CDC42BPG: variants seen among roughly 807,000 people sequenced by gnomAD.
CDC42BPG encodes serine/threonine-protein kinase MRCK gamma.
In CDC42BPG, 157 loss-of-function variants were observed where a neutral mutation model predicts 192.2. That is an observed-to-expected ratio of 0.82 (90% CI 0.72 to 0.93). CDC42BPG has a LOEUF of 0.93. CDC42BPG is among the 40% of genes least tolerant of loss of function. The probability of loss-of-function intolerance (pLI) is 0.00; values close to 1 mark genes in which losing one functional copy is unlikely to be tolerated. For synonymous variants in CDC42BPG, 981 were observed against 918.5 expected (o/e 1.07, Z -1.23); for missense variants, 1,992 against 2,122.1 (o/e 0.94, Z 1.20).
chr11:64,833,897 C>T (rs763893112), intron 21 of CDC42BPG, 28 bp downstream of exon 21: 9 of 1,614,124 alleles, frequency 5.6e-6, no homozygotes, highest in Non-Finnish European at 7.6e-6. Context: ...GAACTTCTCC[C>T]CAACAAGCCC....
intron 17 of CDC42BPG, 30 bp downstream of exon 17, chr11:64,835,017 T>TTCCCCCCCC: frequency 6.4e-7 from 1 of 1,571,954 alleles, no homozygotes; most frequent in Non-Finnish European, 8.7e-7. Context: ...TCGCCTGCGT[T>TTCCCCCCCC]CCCCACCCCG....
intron 30 of CDC42BPG, 29 bp downstream of exon 30, chr11:64,829,442 C>A: frequency 1.3e-6 from 2 of 1,599,850 alleles, no homozygotes; most frequent in Admixed American, 1.7e-5. Context: ...GGTGCCTGGC[C>A]CCCCTGCCAA....
rs375351576 is a variant in CDC42BPG at position 64,836,258 on chromosome 11, C to T, written c.1527G>A (p.Glu509=). The change falls in exon 13 of 37, where the codon GAG becomes GAA. Residue 509 remains glutamate (E), a synonymous_variant. Transcript: ENST00000342711. ...AEGRAGLQAQ[E]QELCRAQGQQ... ...GCCCCTGGGCCCTGCAGAGCTCCTG[C>T]TCCTGAGCCTGCAGCCCTGCCCGAC... The T allele has an allele frequency of 1.0e-5, 16 of 1,602,600 alleles. No individual in the cohort carries two copies. The highest frequency in any genetic ancestry group is 4.0e-5 in the African/African-American group (3 of 74,838).
At chr11:64,832,786 C>G in intron 25 of CDC42BPG, 40 bp downstream of exon 25, 1 of 1,591,292 alleles carries the variant, frequency 6.3e-7, no homozygotes, top group Non-Finnish European at 8.6e-7. Flanking sequence ...GGACCCTCAG[C>G]CCCCCATGCC....
chr11:64,838,613 G>A (rs752325998), intron 8 of CDC42BPG, 41 bp downstream of exon 8: 6 of 1,605,422 alleles, frequency 3.7e-6, no homozygotes, highest in Non-Finnish European at 4.3e-6. Context: ...CCAACAAGGG[G>A]GTAGGGCAGC....
At chr11:64,836,045 G>A (rs1942968843) in intron 13 of CDC42BPG, 72 bp downstream of exon 13, 6 of 1,476,070 alleles carry the variant, frequency 4.1e-6, no homozygotes, top group African/African-American at 1.4e-5. Flanking sequence ...CTCCCACCAA[G>A]CTCCCCATGC....
chr11:64,827,055 A>T lies in CDC42BPG; in HGVS notation c.4384T>A (p.Ser1462Thr). The T allele has an allele frequency of 1.2e-6, 2 of 1,603,294 alleles. No homozygotes were observed. The highest frequency in any genetic ancestry group is 1.3e-5 in the African/African-American group (1 of 74,764). ...ANGRPGARDK[S>T]PAPEEKGRVA... ...ATTGGCTCCAGAGGACTAACCGGGGACTTGTCCCTGGCGCCGGGCCGCCCG... is the reference window on the plus strand; with the variant it reads ...ATTGGCTCCAGAGGACTAACCGGGGTCTTGTCCCTGGCGCCGGGCCGCCCG... Residue 1462 changes from serine to threonine, a missense_variant, in exon 34 of 37, where the codon TCC becomes ACC. Transcript: ENST00000342711.
rs1340181771 is a variant in CDC42BPG at position 64,833,770 on chromosome 11, T to G, written c.2533A>C (p.Arg845=). Residue 845 remains arginine (R), a synonymous_variant, in exon 22 of 37, where the codon AGG becomes CGG. Coordinates refer to ENST00000342711, the MANE Select transcript of CDC42BPG (RefSeq NM_017525.3). Reference sequence around the variant, plus strand: ...CGCAGGCTGCGTCGGCCCTCCGGCCTCAGATCTGGCTCTCCTCCATGCCTT... The same window carrying G: ...CGCAGGCTGCGTCGGCCCTCCGGCCGCAGATCTGGCTCTCCTCCATGCCTT... ...ATRHGGEPDL[R]PEGRRSLRMG... The G allele has an allele frequency of 1.2e-6, 2 of 1,614,210 alleles. No individual in the cohort carries two copies. The highest frequency in any genetic ancestry group is 4.5e-5 in the East Asian group (2 of 44,880).
chr11:64,838,286 C>T (rs1236011998), intron 8 of CDC42BPG, 124 bp from the exon 9 acceptor site: 2 of 693,424 alleles, frequency 2.9e-6, no homozygotes, highest in Non-Finnish European at 4.8e-6. Flanking sequence ...GGGGGTAACA[C>T]AGCCCAACCC....
chr11:64,834,540 T>A lies in CDC42BPG; in HGVS notation c.2213A>T (p.Glu738Val). The stretch of plus-strand genomic sequence containing the variant: ...CTGCAGCTCCAGCCTGGCCGAGGCC[T>A]CCATCTTCTGCAGTCGCCGCGCCTT... ...QWKARRLQKMEASARLELQSA... is the reference protein window; with the variant it reads ...QWKARRLQKMVASARLELQSA... Residue 738 changes from glutamate to valine, a missense_variant, in exon 19 of 37, where the codon GAG (glutamate) becomes GTG (valine). Transcript: ENST00000342711. The A allele has an allele frequency of 6.3e-7, 1 of 1,587,592 alleles. No homozygotes were observed. Among genetic ancestry groups the A allele is most frequent in the Non-Finnish European group, 8.6e-7 (1 of 1,164,158 alleles).
At position 64,844,637 on chromosome 11, in the gene CDC42BPG, C is replaced by T. The variant is rs934266861; in HGVS notation, c.-68G>A. The T allele has an allele frequency of 1.7e-6, 2 of 1,186,760 alleles. No individual in the cohort carries two copies. The highest frequency in any genetic ancestry group is 2.1e-6 in the Non-Finnish European group (2 of 948,196). 73.5% of individuals were successfully genotyped at this position (1,186,760 alleles called of 1,614,324 possible). On this transcript the variant is annotated 5_prime_UTR_variant, in exon 1 of 37. Coordinates refer to ENST00000342711, the MANE Select transcript of CDC42BPG (RefSeq NM_017525.3). The stretch of plus-strand genomic sequence containing the variant: ...CCGCATGCCCGCCTGTCGGGCCGTC[C>T]GTCCGCCCAACCGTCTGAGGCTCTG...
chr11:64,842,317 T>C (rs1943316873), intron 1 of CDC42BPG, among the ~76,000 whole-genome samples: 1 of 152,146 alleles, frequency 6.6e-6, no homozygotes, highest in Non-Finnish European at 1.5e-5. Flanking sequence ...GGGCCTGTCT[T>C]AGGAAACTGG....
chr11:64,839,713 A>ATGTGTGT, intron 5 of CDC42BPG, 142 bp from the exon 6 acceptor site: 1 of 655,228 alleles, frequency 1.5e-6, no homozygotes, highest in Non-Finnish European at 2.7e-6. Flanking sequence ...TGTGATGAGC[A>ATGTGTGT]ACGTGTGTGT....
chr11:64,829,726 G>A lies in CDC42BPG; in HGVS notation c.3712C>T (p.Leu1238=). 1 of 1,609,556 alleles carries A rather than the reference G, an allele frequency of 6.2e-7. No individual in the cohort carries two copies. The highest frequency in any genetic ancestry group is 8.5e-7 in the Non-Finnish European group (1 of 1,178,714). ...AAGCCACCGGCGGCGCCCACACATA[G>A]CCGGTCGCCCAGCAGCCCCAGGCTC... ...VQSLGLLGDR[L]CVGAAGGFAL... The change falls in exon 30 of 37, where the codon CTA becomes TTA. Residue 1238 remains leucine, a synonymous_variant. Transcript: ENST00000342711.
At chr11:64,826,815 G>A (rs1019125296) in intron 34 of CDC42BPG, 21 bp from the exon 35 acceptor site, 3 of 1,482,574 alleles carry the variant, frequency 2.0e-6, no homozygotes, top group South Asian at 1.4e-5. Context: ...ACAGTGCGGA[G>A]GGGCTGGGAC....
Position 64,826,777 on chromosome 11 carries a change from G to A in CDC42BPG, c.4407C>T (p.Gly1469=). The A allele has an allele frequency of 6.6e-7, 1 of 1,512,244 alleles. No individual in the cohort carries two copies. The highest frequency in any genetic ancestry group is 8.8e-7 in the Non-Finnish European group (1 of 1,132,218). 93.7% of individuals were successfully genotyped at this position (1,512,244 alleles called of 1,614,324 possible). Residue 1469 remains glycine (G), a synonymous_variant, in exon 35 of 37, where the codon GGC becomes GGT. Transcript: ENST00000342711. ...RDKSPAPEEK[G]RVARGSGPQR... ...GTGGGCCGGAGCCGCGGGCAACTCG[G>A]CCCTTCTCTTCGGGAGCCTGTTGGG... is the stretch of plus-strand genomic sequence containing the variant.
In CDC42BPG at chr11:64,833,992, TGGGTCACTGGCCTG is replaced by T; in HGVS notation, c.2414-29_2414-16del. ...GGGCTTGGTGTCTGCAAAGAAAGGG[TGGGTCACTGGCCTG>T]GGGTCCCTGGCCTGAGGAACTAGGG... is the stretch of plus-strand genomic sequence containing the variant. On this transcript the variant is annotated splice_polypyrimidine_tract_variant and intron_variant, in intron 20 of 36. Coordinates refer to ENST00000342711, the MANE Select transcript of CDC42BPG (RefSeq NM_017525.3). The T allele has an allele frequency of 6.2e-7, 1 of 1,613,902 alleles. No homozygotes were observed. Among genetic ancestry groups the T allele is most frequent in the Non-Finnish European group, 8.5e-7 (1 of 1,179,932 alleles).
At position 64,834,535 on chromosome 11, in the gene CDC42BPG, A is replaced by G; in HGVS notation, c.2218T>C (p.Ser740Pro). Residue 740 changes from serine to proline, a missense_variant, in exon 19 of 37, where the codon TCG becomes CCG. This residue lies in a region of CDC42BPG where 1,656 missense variants were observed against 1,844.3 expected (regional missense o/e 0.90). Coordinates refer to ENST00000342711, the MANE Select transcript of CDC42BPG (RefSeq NM_017525.3). Reference sequence around the variant, plus strand: ...GCTGACTGCAGCTCCAGCCTGGCCGAGGCCTCCATCTTCTGCAGTCGCCGC... The same window carrying G: ...GCTGACTGCAGCTCCAGCCTGGCCGGGGCCTCCATCTTCTGCAGTCGCCGC... ...KARRLQKMEASARLELQSALE... is the reference protein window; with the variant it reads ...KARRLQKMEAPARLELQSALE... 1 of 1,587,462 alleles carries G rather than the reference A, an allele frequency of 6.3e-7. No individual in the cohort carries two copies. Among genetic ancestry groups the G allele is most frequent in the Non-Finnish European group, 8.6e-7 (1 of 1,164,300 alleles).
At chr11:64,832,325 G>C in intron 27 of CDC42BPG, 103 bp downstream of exon 27, 5 of 1,189,484 alleles carry the variant, frequency 4.2e-6, no homozygotes, top group Non-Finnish European at 3.7e-6. Context: ...CTGTGGTTGT[G>C]GGCTGGCCCA....
Sources: allele counts gnomAD v4.1 joint callset (sites outside exome capture counted in the v4.1 genomes callset), GRCh38; gene constraint gnomAD v4.1.1; regional missense constraint gnomAD v4.1.1; transcripts MANE v1.5; gene names NCBI Gene and HGNC (gene_info 2026-07-23, HGNC 2026-07-21).